The following PLD5 variants were observed in gnomAD, a reference collection of about 807,000 sequenced individuals.
PLD5 encodes inactive phospholipase D5.
Under a neutral mutation model 61.1 loss-of-function variants are expected in PLD5, and 36 were observed. That is an observed-to-expected ratio of 0.59 (90% confidence interval 0.45 to 0.78). The LOEUF (loss-of-function observed/expected upper bound fraction) is 0.78. Among genes scored for constraint, PLD5 ranks in the 30% least tolerant of loss-of-function variants. The pLI, the probability that PLD5 is intolerant of heterozygous loss-of-function variation, is 0.00. For synonymous variants in PLD5, 243 were observed against 242.8 expected (o/e 1.00, Z -0.01); for missense variants, 515 against 644.4 (o/e 0.80, Z 2.17).
chr1:242,101,222 G>C (rs1235892685), intron 8 of PLD5, among the ~76,000 whole-genome samples: 1 of 151,830 alleles, frequency 6.6e-6, no homozygotes, highest in Non-Finnish European at 1.5e-5. Flanking sequence ...ATTTGCCAAG[G>C]TCAAAAGAGA....
chr1:242,409,533 C>T (rs73130402), intron 1 of PLD5, among the ~76,000 whole-genome samples: 5 of 151,984 alleles, frequency 3.3e-5, no homozygotes, highest in African/African-American at 1.2e-4. Context: ...AAGTACTGAA[C>T]TGAGGTGCTT....
chr1:242,525,290 G>C (rs562625625), upstream of PLD5, among the ~76,000 whole-genome samples: 5 of 152,272 alleles, frequency 3.3e-5, no homozygotes, highest in African/African-American at 1.2e-4. Context: ...CCCAGCCCTC[G>C]GTGTCCACCT....
intron 9 of PLD5, among the ~76,000 whole-genome samples, chr1:242,092,081 G>A (rs963422585): frequency 3.3e-5 from 5 of 151,980 alleles, no homozygotes; most frequent in African/African-American, 1.2e-4. Flanking sequence ...ACCCATCTCG[G>A]CCTCCTAAAG....
intron 5 of PLD5, among the ~76,000 whole-genome samples, chr1:242,194,063 A>G (rs1231821909): frequency 6.6e-6 from 1 of 152,116 alleles, no homozygotes; most frequent in Non-Finnish European, 1.5e-5. Context: ...CTGGCCTTGG[A>G]GGTATAAGGC....
intron 1 of PLD5, among the ~76,000 whole-genome samples, chr1:242,368,565 A>G (rs1163688398): frequency 6.6e-6 from 1 of 152,168 alleles, no homozygotes; most frequent in East Asian, 1.9e-4. Context: ...AGGGCATGAA[A>G]AACCAGTTAG....
intron 5 of PLD5, among the ~76,000 whole-genome samples, chr1:242,199,956 AT>A (rs547620443): frequency 1.3e-5 from 2 of 152,234 alleles, no homozygotes; most frequent in Non-Finnish European, 2.9e-5. Context: ...TATTCTGGCT[AT>A]TATGAATACT....
chr1:242,380,254 G>A (rs1662201815), intron 1 of PLD5, among the ~76,000 whole-genome samples: 1 of 152,188 alleles, frequency 6.6e-6, no homozygotes, highest in Non-Finnish European at 1.5e-5. Flanking sequence ...GGAAGCTCCT[G>A]GGAGTAACAA....
At chr1:242,526,575 A>G (rs76090141), upstream of PLD5, among the ~76,000 whole-genome samples, 22,890 of 152,092 alleles carry the variant, frequency 0.15, 1,726 homozygotes, top group East Asian at 0.19. Flanking sequence ...AACTGGGACT[A>G]CAGGTGCACG....
chr1:242,153,199 G>GTT (rs573914173), intron 5 of PLD5, among the ~76,000 whole-genome samples: 1 of 149,230 alleles, frequency 6.7e-6, no homozygotes, highest in African/African-American at 2.4e-5. Context: ...CTTTTTGATG[G>GTT]TTTTTTTTTC....
chr1:242,179,326 G>C (rs546550976), intron 5 of PLD5, among the ~76,000 whole-genome samples: 213 of 152,302 alleles, frequency 1.4e-3, no homozygotes, highest in African/African-American at 4.8e-3. Flanking sequence ...ATCAAAGGAG[G>C]CCTTGTCTGC....
At chr1:242,369,863 C>A (rs1314588606) in intron 1 of PLD5, among the ~76,000 whole-genome samples, 1 of 152,178 alleles carries the variant, frequency 6.6e-6, no homozygotes, top group Non-Finnish European at 1.5e-5. Context: ...ACTTAAAGTT[C>A]TTCCAATTAC....
In PLD5 at chr1:242,089,897, G is replaced by A; in HGVS notation, c.1568C>T (p.Thr523Ile). 3 of 1,614,192 alleles carry A rather than the reference G, an allele frequency of 1.9e-6. No homozygotes were observed. The highest frequency in any genetic ancestry group is 2.5e-6 in the Non-Finnish European group (3 of 1,180,038). The change falls in exon 10 of 10, where the codon ACT (threonine) becomes ATT (isoleucine). Residue 523 changes from threonine to isoleucine, a missense_variant. Thr to Ile is a moderately conservative substitution (Grantham distance 89). Transcript: ENST00000536534. ...CTTTCCGCCTGTGTCGTCTGTGGCA[G>A]TTTTGTTGGAGAGGGGTTTGAGTTT... Reference protein sequence around the residue: ...LFKLKPLSNKTATDDTGGKDP... With the variant: ...LFKLKPLSNKIATDDTGGKDP...
intron 4 of PLD5, among the ~76,000 whole-genome samples, chr1:242,247,070 G>C (rs889904070): frequency 3.4e-5 from 5 of 148,354 alleles, no homozygotes; most frequent in African/African-American, 1.3e-4. Context: ...TGCAAGCTCC[G>C]CCTCCCGGGT....
At chr1:242,306,802 G>A (rs1172760925) in intron 2 of PLD5, among the ~76,000 whole-genome samples, 1 of 25,912 alleles carries the variant, frequency 3.9e-5, no homozygotes, top group Non-Finnish European at 8.2e-5. Flanking sequence ...CCCCACTTAC[G>A]CAAACAAACT....
intron 4 of PLD5, among the ~76,000 whole-genome samples, chr1:242,242,012 G>GACACACACACACACAC (rs377737578): frequency 9.4e-6 from 1 of 106,046 alleles, no homozygotes; most frequent in African/African-American, 3.5e-5. Context: ...TATATATATA[G>GACACACACACACACAC]ACACACACAC....
chr1:242,424,021 G>A (rs1056987225), intron 1 of PLD5, among the ~76,000 whole-genome samples: 2 of 152,106 alleles, frequency 1.3e-5, no homozygotes, highest in African/African-American at 4.8e-5. Flanking sequence ...GTAAAAAGCA[G>A]AGAAGAAATA....
chr1:242,089,963 G>A lies in PLD5; in HGVS notation c.1502C>T (p.Thr501Ile), dbSNP rs1205642433. 6 of 1,614,202 alleles carry A rather than the reference G, an allele frequency of 3.7e-6. No individual in the cohort carries two copies. The South Asian group carries it at 5.5e-5, about 15-fold the overall frequency. Residue 501 changes from threonine to isoleucine, a missense_variant, in exon 10 of 10, where the codon ACC (threonine) becomes ATC (isoleucine). Coordinates refer to ENST00000536534, the MANE Select transcript of PLD5 (RefSeq NM_001372062.1). ...ERDWYSPYAK[T>I]LQPTKQPNCS... is the part of the protein sequence containing the mutation. ...GTTCGGCTGTTTGGTTGGCTGTAAG[G>A]TTTTGGCATACGGTGAATACCAGTC...
Position 242,088,610 on chromosome 1 carries a change from A to T in PLD5, c.*1244T>A, listed in dbSNP as rs1257639153. On this transcript the variant is annotated 3_prime_UTR_variant, in exon 10 of 10. Transcript: ENST00000536534. ...TTTGAGTCACAGAGTCGGGAACAAC[A>T]TTGGAACTGGACATCCCGGCCACCT... The T allele has an allele frequency of 1.3e-5, 2 of 152,198 alleles. No homozygotes were observed. The highest frequency in any genetic ancestry group is 2.9e-5 in the Non-Finnish European group (2 of 68,046). The allele number at this position is 152,198 out of a possible 1,614,324, so 9.4% of individuals were successfully genotyped here.
At chr1:242,218,553 A>C (rs1449930449) in intron 5 of PLD5, among the ~76,000 whole-genome samples, 2 of 152,246 alleles carry the variant, frequency 1.3e-5, no homozygotes, top group Admixed American at 6.5e-5. Flanking sequence ...CCACCATATC[A>C]TTATGGATTT....
Sources: gnomAD v4.1 joint callset for allele counts (sites outside exome capture counted in the v4.1 genomes callset) on GRCh38, gnomAD v4.1.1 for gene constraint, MANE v1.5 for transcripts, NCBI Gene and HGNC (gene_info 2026-07-23, HGNC 2026-07-21) for gene names.